TNIK: variants seen among roughly 807,000 people sequenced by gnomAD.
TNIK encodes the protein TRAF2 and NCK interacting kinase.
Under a neutral mutation model 191.3 loss-of-function variants are expected in TNIK, and 49 were observed. The ratio of observed to expected loss-of-function variants is 0.26; its 90% CI spans 0.20 to 0.32. The LOEUF (loss-of-function observed/expected upper bound fraction) is 0.32. Among genes scored for constraint, TNIK ranks in the 10% least tolerant of loss-of-function variants. The pLI, the probability that TNIK is intolerant of heterozygous loss-of-function variation, is 1.00. For missense variants in TNIK, 1,155 were observed against 1,702.3 expected (o/e 0.68, Z 5.66); for synonymous variants, 594 against 600.9 (o/e 0.99, Z 0.17).
Position 171,125,842 on chromosome 3 carries a change from G to A in TNIK, c.2013+70C>T. On this transcript the variant is annotated intron_variant, in intron 17 of 32. Transcript: ENST00000436636. ...ATCACATTCTCCACTACTACGAAAG[G>A]TCTGGAATAGTGGTAATAAAAATCA... 1.9e-6 allele frequency: 3 copies of A among 1,571,678 alleles called. No individual in the cohort carries two copies. The Admixed American group carries it at 5.6e-5, about 29-fold the overall frequency.
In TNIK at chr3:171,373,223, G is replaced by A. The variant is rs148452834; in HGVS notation, c.58-3538C>T. Among the ~76,000 whole-genome samples, 221 of 152,218 alleles carry A rather than the reference G, an allele frequency of 1.5e-3. 1 individual carries two copies. The highest frequency in any genetic ancestry group is 5.2e-3 in the African/African-American group (215 of 41,546). ...CCTCAATTTCTTACACATAGTGGTT[G>A]CTTCTCAGTCCTGTCCTAGTTGTCC... On this transcript the variant is annotated intron_variant, in intron 1 of 32. Coordinates refer to ENST00000436636, the MANE Select transcript of TNIK (RefSeq NM_015028.4).
At chr3:171,409,623 C>T (rs574299410) in intron 1 of TNIK, among the ~76,000 whole-genome samples, 1 of 151,694 alleles carries the variant, frequency 6.6e-6, no homozygotes, top group African/African-American at 2.4e-5. Context: ...GCCTCTATAA[C>T]CCCCATTACC....
intron 1 of TNIK, among the ~76,000 whole-genome samples, chr3:171,406,972 C>T (rs1201264462): frequency 6.6e-6 from 1 of 152,200 alleles, no homozygotes. Context: ...GCAGAGAAGG[C>T]CCCTCAGGCC....
chr3:171,451,279 T>A (rs111342386), intron 1 of TNIK, among the ~76,000 whole-genome samples: 74 of 152,354 alleles, frequency 4.9e-4, no homozygotes, highest in African/African-American at 1.8e-3. Context: ...AAGCAACCAA[T>A]GGAGCCACCT....
intron 28 of TNIK, among the ~76,000 whole-genome samples, chr3:171,074,009 G>A (rs1719561457): frequency 6.8e-6 from 1 of 147,724 alleles, no homozygotes; most frequent in African/African-American, 2.5e-5. Flanking sequence ...CCACTTCTGG[G>A]TAAATCCCAA....
At chr3:171,225,240 G>A (rs1200381246) in intron 3 of TNIK, among the ~76,000 whole-genome samples, 1 of 152,156 alleles carries the variant, frequency 6.6e-6, no homozygotes, top group Non-Finnish European at 1.5e-5. Context: ...AAGGCACCAC[G>A]TGAGTTTCAC....
At chr3:171,388,042 T>A (rs1489157671) in intron 1 of TNIK, among the ~76,000 whole-genome samples, 2 of 152,238 alleles carry the variant, frequency 1.3e-5, no homozygotes, top group African/African-American at 2.4e-5. Flanking sequence ...GTGAACTAAT[T>A]GACTATTTAA....
chr3:171,323,365 C>T (rs1446887229), intron 2 of TNIK, among the ~76,000 whole-genome samples: 1 of 152,150 alleles, frequency 6.6e-6, no homozygotes, highest in Non-Finnish European at 1.5e-5. Flanking sequence ...ACGTATGCCC[C>T]TCCTAGACCT....
chr3:171,365,229 C>T (rs1470735126), intron 2 of TNIK, among the ~76,000 whole-genome samples: 1 of 113,024 alleles, frequency 8.8e-6, no homozygotes, highest in East Asian at 3.0e-4. Flanking sequence ...CTTGCCCAAG[C>T]TGGAGTGCAA....
intron 2 of TNIK, among the ~76,000 whole-genome samples, chr3:171,328,006 C>A (rs983745928): frequency 3.3e-5 from 5 of 151,330 alleles, no homozygotes; most frequent in African/African-American, 1.2e-4. Flanking sequence ...TCAGGCCAGG[C>A]CACTTCTTAG....
At chr3:171,116,094 C>T (rs535066284) in intron 18 of TNIK, among the ~76,000 whole-genome samples, 2 of 152,298 alleles carry the variant, frequency 1.3e-5, no homozygotes, top group Admixed American at 1.3e-4. Flanking sequence ...TCTATGTTAC[C>T]ACACATAGAA....
chr3:171,459,920 G>C, intron 1 of TNIK, 87 bp downstream of exon 1: 10 of 1,157,328 alleles, frequency 8.6e-6, no homozygotes, highest in African/African-American at 1.6e-5. Context: ...CTGTCCCCCT[G>C]CCCCAGCCCC....
chr3:171,280,651 TAA>T (rs5854412), intron 2 of TNIK, among the ~76,000 whole-genome samples: 4,125 of 144,132 alleles, frequency 0.029, 66 homozygotes, highest in South Asian at 0.037. Context: ...GTCTCTAAAT[TAA>T]AAAAAAAAAA....
intron 1 of TNIK, among the ~76,000 whole-genome samples, chr3:171,378,169 A>G (rs1031013966): frequency 2.0e-5 from 3 of 152,216 alleles, no homozygotes; most frequent in Non-Finnish European, 4.4e-5. Context: ...TCAGATTTCT[A>G]TCTAAAGCTA....
intron 2 of TNIK, among the ~76,000 whole-genome samples, chr3:171,367,012 G>T (rs1010202421): frequency 6.6e-6 from 1 of 152,188 alleles, no homozygotes. Context: ...CTGTGAGTCA[G>T]TTAAACCTCT....
intron 1 of TNIK, among the ~76,000 whole-genome samples, chr3:171,444,574 TAA>T (rs776537688): frequency 7.7e-5 from 7 of 90,894 alleles, no homozygotes; most frequent in Admixed American, 1.3e-4. Context: ...ATAAACTTGC[TAA>T]AAAAAAAAAA....
chr3:171,209,716 T>C (rs1340654319), intron 4 of TNIK, among the ~76,000 whole-genome samples: 1 of 152,212 alleles, frequency 6.6e-6, no homozygotes, highest in Non-Finnish European at 1.5e-5. Context: ...TAATTTTTCT[T>C]TTAAATTTGG....
intron 1 of TNIK, among the ~76,000 whole-genome samples, chr3:171,407,175 T>C (rs1250525823): frequency 6.6e-6 from 1 of 151,956 alleles, no homozygotes; most frequent in Non-Finnish European, 1.5e-5. Flanking sequence ...GCTGATGAGC[T>C]AAAGAAATGG....
At chr3:171,097,302 G>A (rs1007347618) in intron 22 of TNIK, among the ~76,000 whole-genome samples, 4 of 152,180 alleles carry the variant, frequency 2.6e-5, no homozygotes, top group African/African-American at 9.7e-5. Flanking sequence ...AAAGGCAAGA[G>A]GAACTGAGCA....
Sources: allele counts gnomAD v4.1 joint callset (sites outside exome capture counted in the v4.1 genomes callset), GRCh38; gene constraint gnomAD v4.1.1; transcripts MANE v1.5; gene names NCBI Gene and HGNC (gene_info 2026-07-23, HGNC 2026-07-21).